Variants in TRPC5OS observed in about 807,000 individuals in gnomAD.
TRPC5OS encodes putative uncharacterized protein TRPC5OS.
For synonymous variants in TRPC5OS, 30 were observed against 29.3 expected (o/e 1.02, Z -0.08); for missense variants, 64 against 79.3 (o/e 0.81, Z 0.73).
At chrX:111,886,547 G>A (rs1569527389) in intron 1 of TRPC5OS, among the ~76,000 whole-genome samples, 1 of 111,747 alleles carries the variant, frequency 8.9e-6, no homozygotes, top group Admixed American at 9.5e-5. Flanking sequence ...AGTTGACTTA[G>A]TAGGGTCAAG....
chrX:111,901,321 T>G (rs947701514), intron 3 of TRPC5OS, among the ~76,000 whole-genome samples: 1 of 111,180 alleles, frequency 9.0e-6, no homozygotes, highest in East Asian at 2.8e-4. Flanking sequence ...TACTCACTTT[T>G]CTCCCAAATC....
Position 111,902,646 on chromosome X carries a change from A to C in TRPC5OS, c.*461A>C, listed in dbSNP as rs1239516043. 2.7e-5 allele frequency: 3 copies of C among 113,171 alleles called. No homozygotes were observed. Among genetic ancestry groups the C allele is most frequent in the African/African-American group, 9.7e-5 (3 of 30,991 alleles). The allele number at this position is 113,171 out of a possible 1,213,427, so 9.3% of individuals were successfully genotyped here. ...AACAAGACAGTGTTGGGATACTTTT[A>C]TTTGAAAGGATATAACTCCTTACTT... On this transcript the variant is annotated 3_prime_UTR_variant, in exon 4 of 4. Coordinates refer to ENST00000635763, the MANE Select transcript of TRPC5OS (RefSeq NM_001195578.2).
At chrX:111,894,769 C>T (rs189446073) in intron 1 of TRPC5OS, among the ~76,000 whole-genome samples, 4 of 111,106 alleles carry the variant, frequency 3.6e-5, no homozygotes, top group Non-Finnish European at 5.7e-5. Context: ...TAGTAAATTG[C>T]GCAAATTTTA....
intron 1 of TRPC5OS, among the ~76,000 whole-genome samples, chrX:111,887,781 T>C (rs899202627): frequency 8.9e-6 from 1 of 112,026 alleles, no homozygotes. Context: ...AACAAATATT[T>C]ACTGAATATC....
At position 111,902,583 on chromosome X, in the gene TRPC5OS, C is replaced by T. The variant is rs1161849883; in HGVS notation, c.*398C>T. On this transcript the variant is annotated 3_prime_UTR_variant, in exon 4 of 4. Coordinates refer to ENST00000635763, the MANE Select transcript of TRPC5OS (RefSeq NM_001195578.2). The stretch of plus-strand genomic sequence containing the variant: ...AATGCAAATGAAAAGGGGAATATCC[C>T]CCAGGGTAGCATTACAGTAAATGAA... 1 of 116,514 alleles carries T rather than the reference C, an allele frequency of 8.6e-6. No homozygotes were observed. The highest frequency in any genetic ancestry group is 1.8e-5 in the Non-Finnish European group (1 of 56,441). The allele number at this position is 116,514 out of a possible 1,213,427, so 9.6% of individuals were successfully genotyped here.
chrX:111,898,622 TCAGA>T (rs1323749827), intron 3 of TRPC5OS, among the ~76,000 whole-genome samples: 3 of 109,997 alleles, frequency 2.7e-5, no homozygotes, highest in Middle Eastern at 4.6e-3. Flanking sequence ...AGAAAACAAA[TCAGA>T]CAGATTTCTT....
chrX:111,903,628 G>A lies in TRPC5OS; in HGVS notation c.*1443G>A, dbSNP rs912363044. 5 of 112,166 alleles carry A rather than the reference G, an allele frequency of 4.5e-5. No homozygotes were observed. Among genetic ancestry groups the A allele is most frequent in the Non-Finnish European group, 9.4e-5 (5 of 53,245 alleles). The allele number at this position is 112,166 out of a possible 1,213,427, so 9.2% of individuals were successfully genotyped here. A position where few individuals can be genotyped will look rare whatever the true frequency, so the allele number is the denominator to read the frequency against. ...CTCCTCCAGGAGAATGGAGTGAGTGGCTGATCCTTTATGCAAATTAGCCCT... is the reference window on the plus strand; with the variant it reads ...CTCCTCCAGGAGAATGGAGTGAGTGACTGATCCTTTATGCAAATTAGCCCT... On this transcript the variant is annotated 3_prime_UTR_variant, in exon 4 of 4. Coordinates refer to ENST00000635763, the MANE Select transcript of TRPC5OS (RefSeq NM_001195578.2).
At chrX:111,877,214 A>T (rs1024890326) in intron 1 of TRPC5OS, among the ~76,000 whole-genome samples, 1 of 111,866 alleles carries the variant, frequency 8.9e-6, no homozygotes, top group Non-Finnish European at 1.9e-5. Context: ...AAGTGACGTT[A>T]AAGAAGATAT....
chrX:111,898,551 A>G (rs189802597), intron 3 of TRPC5OS, among the ~76,000 whole-genome samples: 5 of 109,593 alleles, frequency 4.6e-5, no homozygotes, highest in Admixed American at 3.9e-4. Context: ...CTTTTTTTCA[A>G]AGACACTTAC....
At chrX:111,881,146 G>GTTTATTTTAT (rs747702186) in intron 1 of TRPC5OS, among the ~76,000 whole-genome samples, 4,058 of 101,121 alleles carry the variant, frequency 0.04, 264 homozygotes, top group African/African-American at 0.14. Flanking sequence ...ATTTTCTTTT[G>GTTTATTTTAT]TTTATTTTAT....
In TRPC5OS at chrX:111,886,294, T is replaced by C. The variant is rs1013445340; in HGVS notation, c.-545-9657T>C. Among the ~76,000 whole-genome samples the C allele has an allele frequency of 8.0e-5, 9 of 112,176 alleles. No homozygotes were observed. The East Asian group carries it at 2.5e-3, about 32-fold the overall frequency. ...AAACTCTGTCAATAAAATAAAATAATGTTTTTTCTTCCATCCGGCCTACTT... is the reference window on the plus strand; with the variant it reads ...AAACTCTGTCAATAAAATAAAATAACGTTTTTTCTTCCATCCGGCCTACTT... On this transcript the variant is annotated intron_variant, in intron 1 of 3. Transcript: ENST00000635763.
Position 111,901,892 on chromosome X carries a change from G to T in TRPC5OS, c.43G>T (p.Ala15Ser), listed in dbSNP as rs775600890. ...TCATGTACTCATTGATGGACTTGTT[G>T]CTTGTGTAGCCCAGTTAATAAGAAT... ...LIHVLIDGLVACVAQLIRIAD... is the reference protein window; with the variant it reads ...LIHVLIDGLVSCVAQLIRIAD... Residue 15 changes from alanine (A) to serine (S), a missense_variant, in exon 4 of 4, where the codon GCT becomes TCT. Coordinates refer to ENST00000635763, the MANE Select transcript of TRPC5OS (RefSeq NM_001195578.2). 95 of 1,150,588 alleles carry T rather than the reference G, an allele frequency of 8.3e-5. No homozygotes were observed. The highest frequency in any genetic ancestry group is 2.6e-4 in the Admixed American group (10 of 38,160). The allele number at this position is 1,150,588 out of a possible 1,213,427, so 94.8% of individuals were successfully genotyped here.
intron 3 of TRPC5OS, among the ~76,000 whole-genome samples, chrX:111,899,882 C>T (rs1027515569): frequency 9.0e-5 from 10 of 111,334 alleles, no homozygotes; most frequent in African/African-American, 2.9e-4. Flanking sequence ...TGCTCTGCCT[C>T]TAGTACCCGT....
chrX:111,880,765 C>T (rs1924173442), intron 1 of TRPC5OS, among the ~76,000 whole-genome samples: 1 of 112,262 alleles, frequency 8.9e-6, no homozygotes, highest in Middle Eastern at 4.2e-3. Context: ...AACCAATTAC[C>T]AGTCTTTCAT....
At chrX:111,885,356 T>C (rs1193725258) in intron 1 of TRPC5OS, among the ~76,000 whole-genome samples, 2 of 111,661 alleles carry the variant, frequency 1.8e-5, no homozygotes, top group Non-Finnish European at 3.8e-5. Context: ...CTAAATCTAG[T>C]TAGGACCTAG....
chrX:111,893,452 T>G (rs1363402426), intron 1 of TRPC5OS, among the ~76,000 whole-genome samples: 4 of 111,798 alleles, frequency 3.6e-5, no homozygotes, highest in African/African-American at 1.3e-4. Flanking sequence ...AACAGTGTTT[T>G]GAGGAAACAC....
rs1050324346 is a variant in TRPC5OS at position 111,901,698 on chromosome X, C to T, written c.-152C>T. On this transcript the variant is annotated 5_prime_UTR_variant, in exon 4 of 4. Transcript: ENST00000635763. ...ATTGTTCTACTGTTCTCATTCTTTA[C>T]TTGATCACCATCATAATCATATCAA... 6.1e-5 allele frequency: 25 copies of T among 408,834 alleles called. No homozygotes were observed. The highest frequency in any genetic ancestry group is 6.1e-4 in the African/African-American group (24 of 39,461). The allele number at this position is 408,834 out of a possible 1,213,427, so 33.7% of individuals were successfully genotyped here. A position where few individuals can be genotyped will look rare whatever the true frequency, so the allele number is the denominator to read the frequency against.
At chrX:111,893,879 TA>T (rs1924932505) in intron 1 of TRPC5OS, among the ~76,000 whole-genome samples, 1 of 112,129 alleles carries the variant, frequency 8.9e-6, no homozygotes, top group East Asian at 2.8e-4. Flanking sequence ...TACTCTTTTT[TA>T]TTCATTGTAT....
At chrX:111,878,265 A>T (rs1924051113) in intron 1 of TRPC5OS, among the ~76,000 whole-genome samples, 3 of 110,711 alleles carry the variant, frequency 2.7e-5, no homozygotes. Flanking sequence ...AAATTTAAAA[A>T]TGCTCCTATA....
Sources: gnomAD v4.1 joint callset for allele counts (sites outside exome capture counted in the v4.1 genomes callset) on GRCh38, gnomAD v4.1.1 for gene constraint, MANE v1.5 for transcripts, NCBI Gene and HGNC (gene_info 2026-07-23, HGNC 2026-07-21) for gene names.